RFX4: variants seen among roughly 807,000 people sequenced by gnomAD.
RFX4 encodes transcription factor RFX4.
In RFX4, 10 loss-of-function variants were observed where a neutral mutation model predicts 95.0. The ratio of observed to expected loss-of-function variants is 0.11; its 90% CI spans 0.06 to 0.18. The LOEUF (loss-of-function observed/expected upper bound fraction) is 0.18. RFX4 is among the 10% of genes least tolerant of loss of function. The pLI is 1.00. For synonymous variants in RFX4, 321 were observed against 340.7 expected, an observed-to-expected ratio of 0.94 and a Z score of 0.64; for missense variants, 640 against 922.0, an observed-to-expected ratio of 0.69 and a Z score of 3.96.
intron 3 of RFX4, among the ~76,000 whole-genome samples, chr12:106,642,007 C>A (rs2040639958): frequency 6.6e-6 from 1 of 150,874 alleles, no homozygotes; most frequent in Non-Finnish European, 1.5e-5. Context: ...ATATCTATAT[C>A]TATATCTATA....
chr12:106,734,595 C>CAA (rs34486302), intron 15 of RFX4, among the ~76,000 whole-genome samples: 38 of 138,780 alleles, frequency 2.7e-4, no homozygotes, highest in Admixed American at 3.6e-4. Context: ...GACTCCATCT[C>CAA]AAAAAAAAAA....
intron 10 of RFX4, among the ~76,000 whole-genome samples, chr12:106,712,598 A>C (rs1592969977): frequency 6.6e-6 from 1 of 152,070 alleles, no homozygotes; most frequent in South Asian, 2.1e-4. Context: ...CACAACACCC[A>C]CATATACCTC....
rs998564742 is a variant in RFX4 at position 106,708,325 on chromosome 12, T to TTG, written c.834-991_834-990dup. ...GCTGAGTGCTGATGACGTCCTTCCT[T>TTG]TGTGTGTGTGTGTGTATGTTTTTTT... On this transcript the variant is annotated intron_variant, in intron 8 of 17. Transcript: ENST00000392842. Among the ~76,000 whole-genome samples the TTG allele has an allele frequency of 2.8e-3, 421 of 150,184 alleles. 4 individuals carry two copies. Among genetic ancestry groups the TTG allele is most frequent in the South Asian group, 0.027 (127 of 4,736 alleles).
chr12:106,633,872 G>C (rs1454995283), intron 2 of RFX4, among the ~76,000 whole-genome samples: 2 of 152,200 alleles, frequency 1.3e-5, no homozygotes, highest in Admixed American at 1.3e-4. Flanking sequence ...CTGGGCCCCA[G>C]GTCCCAGTTC....
intron 6 of RFX4, among the ~76,000 whole-genome samples, chr12:106,689,077 G>A (rs138401905): frequency 2.3e-3 from 354 of 152,278 alleles, no homozygotes; most frequent in African/African-American, 7.4e-3. Context: ...AAACACACTC[G>A]TGCTGTGTGA....
chr12:106,637,633 G>C (rs1169842508), intron 2 of RFX4, among the ~76,000 whole-genome samples: 2 of 151,918 alleles, frequency 1.3e-5, no homozygotes, highest in Non-Finnish European at 2.9e-5. Flanking sequence ...TTGTGGGTCA[G>C]GGAATTTTAT....
rs1159455653 is a variant in RFX4 at position 106,761,363 on chromosome 12, T to C, written c.2102T>C (p.Met701Thr). The C allele has an allele frequency of 1.2e-6, 2 of 1,614,164 alleles. No individual in the cohort carries two copies. Among genetic ancestry groups the C allele is most frequent in the Non-Finnish European group, 1.7e-6 (2 of 1,180,020 alleles). ...GCGAGGTACGGAAACTCTAGTGACA[T>C]GTATACACCTCTGACAACGCGCAGG... ...HSARYGNSSD[M>T]YTPLTTRRNS... The change falls in exon 18 of 18, where the codon ATG becomes ACG. Residue 701 changes from methionine (M) to threonine (T), a missense_variant. By Grantham distance (81) the Met-to-Thr change is moderately conservative (BLOSUM62 -1). Transcript: ENST00000392842.
At chr12:106,709,265 T>C in intron 8 of RFX4, 65 bp from the exon 9 acceptor site, 1 of 1,312,334 alleles carries the variant, frequency 7.6e-7, no homozygotes, top group Admixed American at 1.9e-5. Flanking sequence ...TAAAACCCTC[T>C]AGGGGCCTGT....
chr12:106,593,785 G>T (rs1225636888), intron 1 of RFX4, among the ~76,000 whole-genome samples: 1 of 152,174 alleles, frequency 6.6e-6, no homozygotes, highest in African/African-American at 2.4e-5. Context: ...TCCATACATA[G>T]AACATATTTA....
At chr12:106,712,279 C>T (rs1009660599) in intron 10 of RFX4, among the ~76,000 whole-genome samples, 5 of 152,222 alleles carry the variant, frequency 3.3e-5, no homozygotes, top group African/African-American at 7.2e-5. Flanking sequence ...GCTAAACACC[C>T]ACATTTTTCT....
chr12:106,717,555 T>C (rs939117963), intron 11 of RFX4, among the ~76,000 whole-genome samples: 2 of 152,230 alleles, frequency 1.3e-5, no homozygotes, highest in Non-Finnish European at 2.9e-5. Flanking sequence ...GGGAAGTAAA[T>C]GCTGTGGTTC....
chr12:106,747,596 A>G lies in RFX4; in HGVS notation c.1793A>G (p.His598Arg), dbSNP rs757481422. ...CCAGTTTATCCCCACAGAGAGGAAC[A>G]TGGGTAGGTAACTTTCCAGGGATGC... ...RIPVYPHREE[H>R]GYTGSYNYGS... Residue 598 changes from histidine to arginine, a missense_variant, in exon 16 of 18, where the codon CAT becomes CGT. His to Arg is a conservative substitution (Grantham distance 29). This residue lies in a region of RFX4 where 300 missense variants were observed against 346.8 expected (regional missense o/e 0.87). Transcript: ENST00000392842. The G allele has an allele frequency of 1.1e-5, 17 of 1,613,298 alleles. No individual in the cohort carries two copies. In the South Asian group the frequency reaches 1.9e-4, roughly 18 times the overall value.
intron 15 of RFX4, among the ~76,000 whole-genome samples, chr12:106,737,481 A>C (rs2042734412): frequency 6.6e-6 from 1 of 151,968 alleles, no homozygotes; most frequent in South Asian, 2.1e-4. Context: ...GGGAGCATGA[A>C]GGAGAGGGGA....
intron 7 of RFX4, among the ~76,000 whole-genome samples, chr12:106,694,283 A>G (rs1461432789): frequency 1.3e-5 from 2 of 152,164 alleles, no homozygotes; most frequent in East Asian, 3.8e-4. Context: ...TCCATCCTGT[A>G]CTTCCACAGG....
At chr12:106,741,592 G>A (rs548383449) in intron 15 of RFX4, among the ~76,000 whole-genome samples, 27 of 152,250 alleles carry the variant, frequency 1.8e-4, no homozygotes, top group African/African-American at 5.3e-4. Context: ...CAATAGCCAC[G>A]AGTGGCTATA....
At chr12:106,730,659 C>T (rs114944235) in intron 13 of RFX4, among the ~76,000 whole-genome samples, 2,021 of 152,144 alleles carry the variant, frequency 0.013, 53 homozygotes, top group African/African-American at 0.047. Flanking sequence ...GGTAATGATC[C>T]ATGATGAAGA....
chr12:106,656,732 A>C (rs1343722767), intron 4 of RFX4, among the ~76,000 whole-genome samples: 1 of 151,774 alleles, frequency 6.6e-6, no homozygotes, highest in Non-Finnish European at 1.5e-5. Context: ...ACCCCCCACC[A>C]AATGTCTCTC....
intron 11 of RFX4, among the ~76,000 whole-genome samples, chr12:106,719,313 T>TA (rs1444299990): frequency 6.6e-6 from 1 of 152,160 alleles, no homozygotes; most frequent in Non-Finnish European, 1.5e-5. Flanking sequence ...GCTTGCCTGA[T>TA]ACAGTTGTGG....
At chr12:106,750,815 C>A (rs778493152) in intron 17 of RFX4, 22 bp downstream of exon 17, 3 of 1,522,430 alleles carry the variant, frequency 2.0e-6, no homozygotes, top group Non-Finnish European at 2.6e-6. Context: ...GTCCTGGTTT[C>A]TTGGCCAGGC....
Sources: allele counts gnomAD v4.1 joint callset (sites outside exome capture counted in the v4.1 genomes callset), GRCh38; gene constraint gnomAD v4.1.1; regional missense constraint gnomAD v4.1.1; transcripts MANE v1.5; gene names NCBI Gene and HGNC (gene_info 2026-07-23, HGNC 2026-07-21).